Variants in ANK2 observed in about 807,000 individuals in gnomAD.
ANK2 encodes ankyrin 2.
ANK2 carries 83 observed loss-of-function variants against 360.5 expected under a neutral mutation model. The observed-to-expected ratio is 0.23, with a 90% CI of 0.19 to 0.28. The LOEUF is 0.28. Among genes scored for constraint, ANK2 ranks in the 10% least tolerant of loss-of-function variants. ANK2 has a pLI of 1.00. For synonymous variants in ANK2, 1,740 were observed against 1,759.5 expected (o/e 0.99, Z 0.28); for missense variants, 4,201 against 4,795.7 (o/e 0.88, Z 3.66).
chr4:112,955,163 G>A (rs1002611909), intron 2 of ANK2, among the ~76,000 whole-genome samples: 9 of 152,054 alleles, frequency 5.9e-5, no homozygotes. Context: ...ATTTGTGGAA[G>A]AAAATATTCA....
At chr4:113,243,262 T>C (rs564195437) in intron 9 of ANK2, among the ~76,000 whole-genome samples, 30 of 152,298 alleles carry the variant, frequency 2.0e-4, no homozygotes, top group Non-Finnish European at 3.8e-4. Context: ...AGAATATGTC[T>C]CTTATGGTAT....
At chr4:113,318,459 T>C in intron 25 of ANK2, 58 bp from the exon 26 acceptor site, 2 of 1,343,446 alleles carry the variant, frequency 1.5e-6, no homozygotes, top group Non-Finnish European at 1.1e-6. Flanking sequence ...TATTTTGTTA[T>C]ATTTTACTTT....
chr4:112,888,963 G>T (rs532213546), intron 1 of ANK2, among the ~76,000 whole-genome samples: 1 of 152,154 alleles, frequency 6.6e-6, no homozygotes, highest in Admixed American at 6.5e-5. Flanking sequence ...TGTTAATAGT[G>T]ATAGAAAAAA....
At chr4:112,846,468 C>T (rs2063334135) in intron 1 of ANK2, among the ~76,000 whole-genome samples, 1 of 152,132 alleles carries the variant, frequency 6.6e-6, no homozygotes. Context: ...TGACATTGTT[C>T]TGGCCAAAGT....
At position 113,337,690 on chromosome 4, in the gene ANK2, G is replaced by A. The variant is rs116370614; in HGVS notation, c.3796+909G>A. On this transcript the variant is annotated intron_variant, in intron 31 of 45. Coordinates refer to ENST00000357077, the MANE Select transcript of ANK2 (RefSeq NM_001148.6). ...CACCCTTCTTACTCGTATGTTTCTT[G>A]TAGTTATGATAGAGAACCACGAGAT... 8.1e-3 allele frequency among the ~76,000 whole-genome samples: 1,235 copies of A among 151,926 alleles called. 18 individuals are homozygous for A. The highest frequency in any genetic ancestry group is 0.028 in the African/African-American group (1,168 of 41,414).
chr4:113,301,239 A>G (rs2074803394), intron 22 of ANK2, among the ~76,000 whole-genome samples: 2 of 152,260 alleles, frequency 1.3e-5, no homozygotes, highest in South Asian at 4.1e-4. Context: ...TGAATTTGAC[A>G]CTCAATAGTC....
At chr4:113,135,457 GC>G (rs1365913280) in intron 1 of ANK2, among the ~76,000 whole-genome samples, 2 of 151,954 alleles carry the variant, frequency 1.3e-5, no homozygotes, top group Admixed American at 1.3e-4. Context: ...AATGAAAGGA[GC>G]TTTTCACTAC....
rs541596361 is a variant in ANK2, at chr4:113,059,512, C to T, written c.84+9700C>T. Among the ~76,000 whole-genome samples the T allele has an allele frequency of 1.2e-4, 19 of 152,166 alleles. No homozygotes were observed. In the South Asian group the frequency reaches 3.9e-3, roughly 32 times the overall value. On this transcript the variant is annotated intron_variant, in intron 1 of 45. Coordinates refer to ENST00000357077, the MANE Select transcript of ANK2 (RefSeq NM_001148.6). ...AGAGACTGTATAAATAGCCTATAAA[C>T]ATCAGTTCTGTTCAATGTGAAGAGG...
intron 1 of ANK2, among the ~76,000 whole-genome samples, chr4:113,073,614 C>T (rs933539822): frequency 2.6e-5 from 4 of 152,066 alleles, no homozygotes; most frequent in African/African-American, 7.3e-5. Context: ...AAACAGCATA[C>T]GGTCTTGTTT....
intron 1 of ANK2, among the ~76,000 whole-genome samples, chr4:113,163,788 A>AAAAAAAAAAAAAAAG: frequency 1.9e-5 from 2 of 105,946 alleles, no homozygotes; most frequent in African/African-American, 6.3e-5. Flanking sequence ...AAAAAAAAAA[A>AAAAAAAAAAAAAAAG]AAAAGAAAAC....
chr4:112,977,723 C>G (rs2041905217), intron 2 of ANK2, among the ~76,000 whole-genome samples: 1 of 151,926 alleles, frequency 6.6e-6, no homozygotes, highest in Admixed American at 6.6e-5. Flanking sequence ...TAATGCTTTC[C>G]CTTCCCTTTC....
At chr4:113,365,893 A>G (rs933798535) in intron 41 of ANK2, among the ~76,000 whole-genome samples, 26 of 152,128 alleles carry the variant, frequency 1.7e-4, no homozygotes, top group Admixed American at 6.6e-4. Context: ...CTTCCATCCT[A>G]TTAAAATGGA....
At chr4:113,051,234 A>T (rs1470066881) in intron 1 of ANK2, among the ~76,000 whole-genome samples, 1 of 152,136 alleles carries the variant, frequency 6.6e-6, no homozygotes, top group African/African-American at 2.4e-5. Context: ...AAAAAAAGGA[A>T]TTTTTGTTTT....
At chr4:113,085,416 C>G (rs2084182698) in intron 1 of ANK2, among the ~76,000 whole-genome samples, 1 of 152,040 alleles carries the variant, frequency 6.6e-6, no homozygotes, top group African/African-American at 2.4e-5. Context: ...CAGGTTCAAG[C>G]AATTCTCCTG....
At chr4:113,067,818 C>T (rs1170478346) in intron 1 of ANK2, among the ~76,000 whole-genome samples, 1 of 152,152 alleles carries the variant, frequency 6.6e-6, no homozygotes, top group Non-Finnish European at 1.5e-5. Flanking sequence ...ATATGTGGCC[C>T]CAAGCATGAG....
chr4:113,020,380 G>A (rs1037589302), intron 2 of ANK2, among the ~76,000 whole-genome samples: 4 of 152,004 alleles, frequency 2.6e-5, no homozygotes, highest in African/African-American at 9.7e-5. Context: ...ATTTTTTGTA[G>A]AGACAGGGTC....
intron 2 of ANK2, among the ~76,000 whole-genome samples, chr4:113,183,192 G>T (rs1365368268): frequency 2.0e-5 from 3 of 152,042 alleles, no homozygotes; most frequent in African/African-American, 7.2e-5. Flanking sequence ...ATGATTCTAG[G>T]TTATCAGCTG....
chr4:113,083,251 T>C (rs1033917739), intron 1 of ANK2, among the ~76,000 whole-genome samples: 2 of 152,164 alleles, frequency 1.3e-5, no homozygotes, highest in African/African-American at 4.8e-5. Context: ...CAATCATAGC[T>C]CACTGTCACC....
At chr4:112,957,633 C>T (rs1209309671) in intron 2 of ANK2, among the ~76,000 whole-genome samples, 725 of 134,360 alleles carry the variant, frequency 5.4e-3, no homozygotes, top group Middle Eastern at 0.013. Context: ...GGCGGCTGGC[C>T]GGGCGGGGGG....
Sources: allele counts gnomAD v4.1 joint callset (sites outside exome capture counted in the v4.1 genomes callset), GRCh38; gene constraint gnomAD v4.1.1; transcripts MANE v1.5; gene names NCBI Gene and HGNC (gene_info 2026-07-23, HGNC 2026-07-21).